The following ADI1 variants were observed in gnomAD, a reference collection of about 807,000 sequenced individuals.
ADI1 encodes acireductone dioxygenase 1.
Under a neutral mutation model 18.7 loss-of-function variants are expected in ADI1, and 21 were observed. That is an observed-to-expected ratio of 1.13 (90% CI 0.80 to 1.62). The LOEUF is 1.62. Ranked by LOEUF, ADI1 falls within the 40% of genes most tolerant of loss-of-function variation. The probability of loss-of-function intolerance (pLI) is 0.00; values close to 1 mark genes in which losing one functional copy is unlikely to be tolerated. For missense variants in ADI1, 245 were observed against 254.9 expected, an observed-to-expected ratio of 0.96 and a Z score of 0.26; for synonymous variants, 90 against 100.1, an observed-to-expected ratio of 0.90 and a Z score of 0.60.
chr2:3,503,718 C>T (rs114870003), intron 2 of ADI1, among the ~76,000 whole-genome samples: 1,724 of 152,298 alleles, frequency 0.011, 31 homozygotes, highest in African/African-American at 0.04. Context: ...GGCCTGGACA[C>T]GCTGTAGGTC....
intron 1 of ADI1, chr2:3,516,068 A>G (rs13012839): frequency 0.61 from 593,799 of 979,316 alleles, 186,792 homozygotes; most frequent in Non-Finnish European, 0.64. Flanking sequence ...GACACGTGTC[A>G]TAAGTTTAAA....
intron 2 of ADI1, among the ~76,000 whole-genome samples, chr2:3,512,558 C>T (rs1354835215): frequency 6.6e-6 from 1 of 152,212 alleles, no homozygotes; most frequent in Non-Finnish European, 1.5e-5. Context: ...AGGGTGCAAG[C>T]CATGAGCCTT....
intron 2 of ADI1, among the ~76,000 whole-genome samples, chr2:3,510,265 T>C (rs2103210044): frequency 1.3e-5 from 2 of 152,152 alleles, no homozygotes; most frequent in South Asian, 4.1e-4. Flanking sequence ...CAGTGAGCTA[T>C]GATTGCACCA....
chr2:3,519,474 C>T lies in ADI1; in HGVS notation c.14G>A (p.Trp5Ter), dbSNP rs1667508299. 3 of 1,311,588 alleles carry T rather than the reference C, an allele frequency of 2.3e-6. No homozygotes were observed. Among genetic ancestry groups the T allele is most frequent in the South Asian group, 4.2e-5 (2 of 47,422 alleles). The allele number at this position is 1,311,588 out of a possible 1,614,324, so 81.2% of individuals were successfully genotyped here. The stretch of plus-strand genomic sequence containing the variant: ...GTCGCCCGGGGCGTCGTCCATATAC[C>T]AGGCCTGCACCATGACGCGCAGTGC... The part of the protein sequence containing the change: MVQA[W>*]YMDDAPGDPR... The change falls in exon 1 of 4, where the codon TGG (tryptophan) becomes TAG (stop). Residue 5 changes from tryptophan (W) to a stop codon, truncating the protein, a stop_gained. Transcript: ENST00000327435. LOFTEE classifies it high-confidence loss of function.
intron 2 of ADI1, among the ~76,000 whole-genome samples, chr2:3,512,500 T>C (rs1437765473): frequency 6.6e-6 from 1 of 152,230 alleles, no homozygotes; most frequent in Non-Finnish European, 1.5e-5. Context: ...GCTAGGGTTC[T>C]GGCCTCAGAT....
In ADI1 at chr2:3,500,044, G is replaced by A. The variant is rs370990803; in HGVS notation, c.420+770C>T. On this transcript the variant is annotated intron_variant, in intron 3 of 3. Transcript: ENST00000327435. Reference sequence around the variant, plus strand: ...CAAGCCACTACATGCCAGCCTGGGCGACAAAGTGAGACTCCATCTCAAAGA... The same window carrying A: ...CAAGCCACTACATGCCAGCCTGGGCAACAAAGTGAGACTCCATCTCAAAGA... Among the ~76,000 whole-genome samples, 8 of 149,102 alleles carry A rather than the reference G, an allele frequency of 5.4e-5. 1 individual carries two copies. Among genetic ancestry groups the A allele is most frequent in the South Asian group, 2.1e-4 (1 of 4,692 alleles).
At chr2:3,518,049 G>A (rs757805034) in intron 1 of ADI1, among the ~76,000 whole-genome samples, 1 of 152,126 alleles carries the variant, frequency 6.6e-6, no homozygotes, top group Non-Finnish European at 1.5e-5. Flanking sequence ...TTGGATTGTG[G>A]ATAAACATAA....
At chr2:3,510,884 T>A (rs1667282327) in intron 2 of ADI1, among the ~76,000 whole-genome samples, 1 of 152,196 alleles carries the variant, frequency 6.6e-6, no homozygotes. Flanking sequence ...CTACACATAC[T>A]CTTCCAAGAA....
intron 2 of ADI1, among the ~76,000 whole-genome samples, chr2:3,509,781 G>C: frequency 6.6e-6 from 1 of 151,858 alleles, no homozygotes; most frequent in Non-Finnish European, 1.5e-5. Context: ...GATCACTTGA[G>C]GCCAGGAGTT....
chr2:3,500,519 GTGTACCTGCCGCCGCA>G (rs6146601), intron 3 of ADI1: 227,928 of 527,844 alleles, frequency 0.43, 54,190 homozygotes, highest in African/African-American at 0.83. Flanking sequence ...GCTCGTGGGT[GTGTACCTGCCGCCGCA>G]TGTACCTGCC....
chr2:3,506,906 G>A (rs1327518705), intron 2 of ADI1, among the ~76,000 whole-genome samples: 1 of 152,156 alleles, frequency 6.6e-6, no homozygotes, highest in East Asian at 1.9e-4. Flanking sequence ...GGTATTCTTT[G>A]TTTGTGTTAG....
chr2:3,516,566 G>A (rs956543143), intron 1 of ADI1: 11 of 257,012 alleles, frequency 4.3e-5, no homozygotes, highest in South Asian at 1.5e-4. Flanking sequence ...GGAAATGGCC[G>A]TCTATGAGGA....
chr2:3,500,178 G>A (rs1280049813), intron 3 of ADI1, among the ~76,000 whole-genome samples: 1 of 152,098 alleles, frequency 6.6e-6, no homozygotes, highest in Non-Finnish European at 1.5e-5. Context: ...AGAGAAACTG[G>A]GAGGCTGGGA....
At chr2:3,503,572 T>C (rs13015636) in intron 2 of ADI1, among the ~76,000 whole-genome samples, 3,841 of 50,858 alleles carry the variant, frequency 0.076, 1,435 homozygotes, top group African/African-American at 0.57. Context: ...TTCACTCGCA[T>C]GGTACTCATC....
intron 2 of ADI1, among the ~76,000 whole-genome samples, chr2:3,501,957 A>T (rs1224116914): frequency 6.6e-6 from 1 of 151,958 alleles, no homozygotes; most frequent in East Asian, 1.9e-4. Context: ...GTGCCCTTAT[A>T]ATCTGATTCT....
At chr2:3,508,150 C>T in intron 2 of ADI1, among the ~76,000 whole-genome samples, 1 of 151,722 alleles carries the variant, frequency 6.6e-6, no homozygotes, top group East Asian at 1.9e-4. Flanking sequence ...CTGGCTAACA[C>T]AGTGAAACCC....
rs1572229000 is a variant in ADI1, at chr2:3,498,232, T to C, written c.*731A>G. ...AACTAGGCATAATCCTATCTCGGAATTGTTGAGTAGAAAATTTATGTACTA... is the reference window on the plus strand; with the variant it reads ...AACTAGGCATAATCCTATCTCGGAACTGTTGAGTAGAAAATTTATGTACTA... On this transcript the variant is annotated 3_prime_UTR_variant, in exon 4 of 4. Coordinates refer to ENST00000327435, the MANE Select transcript of ADI1 (RefSeq NM_018269.4). 1 of 152,352 alleles carries C rather than the reference T, an allele frequency of 6.6e-6. No homozygotes were observed. The allele number at this position is 152,352 out of a possible 1,614,324, so 9.4% of individuals were successfully genotyped here. A position where few individuals can be genotyped will look rare whatever the true frequency, so the allele number is the denominator to read the frequency against.
Position 3,499,026 on chromosome 2 carries a change from G to T in ADI1, c.477C>A (p.Asn159Lys). 6.2e-7 allele frequency: 1 copy of T among 1,614,158 alleles called. No homozygotes were observed. The highest frequency in any genetic ancestry group is 8.5e-7 in the Non-Finnish European group (1 of 1,179,986). The change falls in exon 4 of 4, where the codon AAC (asparagine) becomes AAA (lysine). Residue 159 changes from asparagine (N) to lysine (K), a missense_variant. By Grantham distance (94) the Asn-to-Lys change is moderately conservative. Transcript: ENST00000327435. Reference sequence around the variant, plus strand: ...GGGCTTCAAAATGGTCAGCGGGCCGGTTGTACGCTGTCCACACCGGTTCTC... The same window carrying T: ...GGGCTTCAAAATGGTCAGCGGGCCGTTTGTACGCTGTCCACACCGGTTCTC... ...FVGEPVWTAYNRPADHFEARG... is the reference protein window; with the variant it reads ...FVGEPVWTAYKRPADHFEARG...
chr2:3,513,918 TTCCTC>T lies in ADI1; in HGVS notation c.174_178del (p.Arg59LeufsTer13). 1.9e-6 allele frequency: 3 copies of T among 1,612,608 alleles called. No homozygotes were observed. The highest frequency in any genetic ancestry group is 2.5e-6 in the Non-Finnish European group (3 of 1,179,710). On this transcript the variant is annotated frameshift_variant, in exon 2 of 4. Transcript: ENST00000327435. LOFTEE classifies it high-confidence loss of function. ...GGTTATGATGTCCATCCAGGAGTAG[TTCCTC>T]TCTCTTCGGATCTTTTCTAATTCTG...
Sources: allele counts gnomAD v4.1 joint callset (sites outside exome capture counted in the v4.1 genomes callset), GRCh38; gene constraint gnomAD v4.1.1; transcripts MANE v1.5; gene names NCBI Gene and HGNC (gene_info 2026-07-23, HGNC 2026-07-21).